The following SIPA1L3 variants were observed in gnomAD, a reference collection of about 807,000 sequenced individuals.
SIPA1L3 encodes the protein signal-induced proliferation-associated 1-like protein 3.
SIPA1L3 carries 59 observed loss-of-function variants against 150.1 expected under a neutral mutation model. That is an observed-to-expected ratio of 0.39 (90% CI 0.32 to 0.49). The LOEUF (loss-of-function observed/expected upper bound fraction) is 0.49, where lower values mean the gene tolerates loss of function less well. Ranked by LOEUF, SIPA1L3 falls within the 20% of genes least tolerant of loss-of-function variation. The pLI is 0.86. For synonymous variants in SIPA1L3, 1,070 were observed against 1,077.6 expected (o/e 0.99, Z 0.14); for missense variants, 2,211 against 2,489.5 (o/e 0.89, Z 2.38).
chr19:38,109,707 A>C (rs566021466), intron 7 of SIPA1L3: 1 of 162,818 alleles, frequency 6.1e-6, no homozygotes, highest in Non-Finnish European at 1.4e-5. Flanking sequence ...GGTACTGAGG[A>C]TACAGCAGTT....
intron 13 of SIPA1L3, among the ~76,000 whole-genome samples, chr19:38,153,462 G>C (rs1418516227): frequency 6.6e-6 from 1 of 152,190 alleles, no homozygotes; most frequent in Non-Finnish European, 1.5e-5. Flanking sequence ...CTGAGGTCAG[G>C]AGTTTAAGAC....
At position 38,058,017 on chromosome 19, in the gene SIPA1L3, G is replaced by A. The variant is rs192980505; in HGVS notation, c.-310-23239G>A. Among the ~76,000 whole-genome samples, 3 of 152,056 alleles carry A rather than the reference G, an allele frequency of 2.0e-5. 1 individual carries two copies. Among genetic ancestry groups the A allele is most frequent in the Admixed American group, 1.3e-4 (2 of 15,268 alleles). On this transcript the variant is annotated intron_variant, in intron 2 of 21. Transcript: ENST00000222345. ...TGCCCCTAGAAAGGGATCACCACTG[G>A]GAACATTAAAAAAGAAAGAAGTCTG...
At chr19:38,138,647 T>C (rs1349189784) in intron 10 of SIPA1L3, among the ~76,000 whole-genome samples, 1 of 24,504 alleles carries the variant, frequency 4.1e-5, no homozygotes, top group Non-Finnish European at 6.9e-5. Context: ...CCTGTAATCC[T>C]AGCACTTTGG....
chr19:37,985,768 G>C (rs1056330675), intron 1 of SIPA1L3, among the ~76,000 whole-genome samples: 2 of 152,076 alleles, frequency 1.3e-5, no homozygotes. Flanking sequence ...GCTGACTTTG[G>C]CGTCTAGGAA....
intron 3 of SIPA1L3, among the ~76,000 whole-genome samples, chr19:38,084,514 A>G (rs1970079581): frequency 6.8e-6 from 1 of 147,420 alleles, no homozygotes; most frequent in Non-Finnish European, 1.5e-5. Flanking sequence ...TAGCTAGACA[A>G]AGTTTTTCTT....
At chr19:38,142,805 C>A (rs1971622698) in intron 12 of SIPA1L3, 95 bp downstream of exon 12, 1 of 1,449,440 alleles carries the variant, frequency 6.9e-7, no homozygotes, top group Non-Finnish European at 9.4e-7. Flanking sequence ...ATTCTAGTTG[C>A]CATTTTATGG....
At chr19:38,105,694 C>T (rs553644219) in intron 6 of SIPA1L3, among the ~76,000 whole-genome samples, 14 of 152,206 alleles carry the variant, frequency 9.2e-5, no homozygotes, top group Non-Finnish European at 1.9e-4. Flanking sequence ...TGCTTTGTGT[C>T]AGCATCTTTC....
At chr19:37,952,219 A>G (rs953070113) in intron 1 of SIPA1L3, among the ~76,000 whole-genome samples, 1 of 152,182 alleles carries the variant, frequency 6.6e-6, no homozygotes, top group East Asian at 1.9e-4. Context: ...AATTCATTAC[A>G]GACAAATTCT....
chr19:38,073,412 C>CCGTTGG, intron 2 of SIPA1L3, among the ~76,000 whole-genome samples: 1 of 152,320 alleles, frequency 6.6e-6, no homozygotes. Flanking sequence ...GTGCAAAGCA[C>CCGTTGG]CGTTGGATAG....
chr19:38,053,559 A>G (rs953080292), intron 2 of SIPA1L3, among the ~76,000 whole-genome samples: 20 of 151,164 alleles, frequency 1.3e-4, no homozygotes, highest in African/African-American at 4.8e-4. Flanking sequence ...TGAAGGAGGT[A>G]CTTTTTTTTT....
At chr19:38,192,078 C>G in intron 16 of SIPA1L3, 67 bp from the exon 17 acceptor site, 1 of 1,468,822 alleles carries the variant, frequency 6.8e-7, no homozygotes, top group Non-Finnish European at 9.2e-7. Flanking sequence ...CCTCTTGAAT[C>G]CAAACAGCTT....
At chr19:38,004,648 G>A (rs1967894093) in intron 1 of SIPA1L3, among the ~76,000 whole-genome samples, 1 of 152,130 alleles carries the variant, frequency 6.6e-6, no homozygotes, top group Non-Finnish European at 1.5e-5. Flanking sequence ...CAAAACCTCA[G>A]AGCTCCTGTC....
chr19:38,000,074 G>C lies in SIPA1L3; in HGVS notation c.-378-29015G>C, dbSNP rs545869489. ...GATTAAATTAGATACTGTTTTTTAAGTGTTTGAAACTGCCTCTTCTGTAGT... is the reference window on the plus strand; with the variant it reads ...GATTAAATTAGATACTGTTTTTTAACTGTTTGAAACTGCCTCTTCTGTAGT... On this transcript the variant is annotated intron_variant, in intron 1 of 21. Transcript: ENST00000222345. Among the ~76,000 whole-genome samples the C allele has an allele frequency of 6.6e-5, 10 of 152,288 alleles. 1 individual carries two copies. The South Asian group carries it at 2.1e-3, about 32-fold the overall frequency.
At chr19:38,002,941 C>T (rs559920802) in intron 1 of SIPA1L3, among the ~76,000 whole-genome samples, 14 of 151,506 alleles carry the variant, frequency 9.2e-5, no homozygotes, top group Admixed American at 6.6e-4. Flanking sequence ...GCCAGGAGTT[C>T]GAGACCAGCC....
Position 38,088,728 on chromosome 19 carries a change from C to T in SIPA1L3, c.1542C>T (p.Ala514=). Reference sequence around the variant, plus strand: ...CCTGCTCTTCCTTCTTAGAACATGCCAATTACTTCGGCGTGGATGAGAAGC... The same window carrying T: ...CCTGCTCTTCCTTCTTAGAACATGCTAATTACTTCGGCGTGGATGAGAAGC... ...YQDYFVGKEH[A]NYFGVDEKLG... is the part of the protein sequence containing the mutation. Residue 514 remains alanine, a synonymous_variant, in exon 4 of 22, where the codon GCC becomes GCT. Transcript: ENST00000222345. The T allele has an allele frequency of 6.2e-7, 1 of 1,613,778 alleles. No individual in the cohort carries two copies. The highest frequency in any genetic ancestry group is 1.1e-5 in the South Asian group (1 of 91,050).
intron 1 of SIPA1L3, among the ~76,000 whole-genome samples, chr19:37,936,688 G>A (rs956827127): frequency 1.3e-5 from 2 of 152,180 alleles, no homozygotes; most frequent in Non-Finnish European, 1.5e-5. Context: ...TCAGTAACTT[G>A]CCATATTTCC....
chr19:38,081,931 C>T lies in SIPA1L3; in HGVS notation c.366C>T (p.Asn122=), dbSNP rs146787630. 4.1e-4 allele frequency: 665 copies of T among 1,614,062 alleles called. 1 individual carries two copies. Among genetic ancestry groups the T allele is most frequent in the Non-Finnish European group, 5.3e-4 (628 of 1,180,008 alleles). Residue 122 remains asparagine (N), a synonymous_variant, in exon 3 of 22, where the codon AAC becomes AAT. Transcript: ENST00000222345. Reference sequence around the variant, plus strand: ...CCCATTCCATGAGGAGCATACAGAACGGACAGCCCCCCACCAGCACCCCGG... The same window carrying T: ...CCCATTCCATGAGGAGCATACAGAATGGACAGCCCCCCACCAGCACCCCGG... ...KMAHSMRSIQ[N]GQPPTSTPAS... is the part of the protein sequence containing the mutation.
chr19:38,016,443 C>T (rs1308228198), intron 1 of SIPA1L3, among the ~76,000 whole-genome samples: 3 of 152,176 alleles, frequency 2.0e-5, no homozygotes, highest in Non-Finnish European at 2.9e-5. Flanking sequence ...ACATCATCAA[C>T]TACCCATTTA....
chr19:38,089,665 A>G (rs1474826840), intron 4 of SIPA1L3, among the ~76,000 whole-genome samples: 1 of 152,262 alleles, frequency 6.6e-6, no homozygotes, highest in Admixed American at 6.5e-5. Flanking sequence ...AGAGAAGCCC[A>G]TGGTCCTGGC....
Sources: allele counts gnomAD v4.1 joint callset (sites outside exome capture counted in the v4.1 genomes callset), GRCh38; gene constraint gnomAD v4.1.1; transcripts MANE v1.5; gene names NCBI Gene and HGNC (gene_info 2026-07-23, HGNC 2026-07-21).